The following ATP4A variants were observed in gnomAD, a reference collection of about 807,000 sequenced individuals.
ATP4A encodes potassium-transporting ATPase alpha chain 1.
A neutral mutation model predicts 112.1 loss-of-function variants in ATP4A; 73 were observed. The ratio of observed to expected loss-of-function variants is 0.65; its 90% confidence interval spans 0.54 to 0.79. ATP4A has a LOEUF of 0.79. Ranked by LOEUF, ATP4A falls within the 30% of genes least tolerant of loss-of-function variation. The pLI, the probability that ATP4A is intolerant of heterozygous loss-of-function variation, is 0.00. For missense variants in ATP4A, 1,081 were observed against 1,425.9 expected, an observed-to-expected ratio of 0.76 and a Z score of 3.90; for synonymous variants, 588 against 588.9, an observed-to-expected ratio of 1.00 and a Z score of 0.02.
intron 16 of ATP4A, 76 bp downstream of exon 16, chr19:35,554,846 C>T: frequency 1.3e-6 from 2 of 1,586,110 alleles, no homozygotes; most frequent in African/African-American, 1.3e-5. Flanking sequence ...CTGTGGTGGT[C>T]TCTGTCCCTC....
Position 35,556,900 on chromosome 19 carries a change from C to T in ATP4A, c.1869+13G>A. On this transcript the variant is annotated intron_variant, in intron 12 of 21. Coordinates refer to ENST00000262623, the MANE Select transcript of ATP4A (RefSeq NM_000704.3). ...TGTCCTCACTCCACTTGTTCCTCCC[C>T]ACAGTGGCATACCCGGATGCCTGCG... 6.2e-7 allele frequency: 1 copy of T among 1,610,820 alleles called. No homozygotes were observed.
At position 35,559,218 on chromosome 19, in the gene ATP4A, T is replaced by C; in HGVS notation, c.1057-27A>G. On this transcript the variant is annotated intron_variant, in intron 7 of 21. Coordinates refer to ENST00000262623, the MANE Select transcript of ATP4A (RefSeq NM_000704.3). The surrounding 1 kb of genome is among the most constrained non-coding windows in gnomAD (Gnocchi z 4.1). ...TGGGGAAGGGGTGAGCACCGCAGGC[T>C]GGGGACCCACCCTGGCTTCCAGTCC... 6.2e-7 allele frequency: 1 copy of C among 1,611,556 alleles called. No homozygotes were observed. The highest frequency in any genetic ancestry group is 8.5e-7 in the Non-Finnish European group (1 of 1,179,110).
rs1369354326 is a variant in ATP4A at position 35,555,737 on chromosome 19, T to C, written c.1945A>G (p.Ser649Gly). 10 of 1,613,576 alleles carry C rather than the reference T, an allele frequency of 6.2e-6. No individual in the cohort carries two copies. The highest frequency in any genetic ancestry group is 8.5e-6 in the Non-Finnish European group (10 of 1,179,562). ...AASVGIISEG[S>G]ETVEDIAARL... is the part of the protein sequence containing the mutation. ...GCAGCGATGTCCTCCACTGTCTCGC[T>C]GCCTTCCGAGATGATGCCCACACTG... The change falls in exon 13 of 22, where the codon AGC (serine) becomes GGC (glycine). Residue 649 changes from serine to glycine, a missense_variant. Transcript: ENST00000262623. This position sits in a 1 kb window ranked among gnomAD's most constrained non-coding sequence, Gnocchi z 6.6.
At chr19:35,552,505 A>G (rs1477203863) in intron 18 of ATP4A, among the ~76,000 whole-genome samples, 1 of 152,226 alleles carries the variant, frequency 6.6e-6, no homozygotes, top group Non-Finnish European at 1.5e-5. Context: ...GTGAGAAAAC[A>G]GGCACAGAGA....
At chr19:35,553,238 C>G in intron 17 of ATP4A, 56 bp from the exon 18 acceptor site, 3 of 1,548,116 alleles carry the variant, frequency 1.9e-6, no homozygotes, top group East Asian at 4.6e-5. Flanking sequence ...GACAGGGACA[C>G]AGGAAGAGAG....
Position 35,550,438 on chromosome 19 carries a change from G to A in ATP4A, c.*177C>T. The A allele has an allele frequency of 1.3e-6, 1 of 777,620 alleles. No individual in the cohort carries two copies. The highest frequency in any genetic ancestry group is 2.0e-6 in the Non-Finnish European group (1 of 488,400). 48.2% of individuals were successfully genotyped at this position (777,620 alleles called of 1,614,324 possible). On this transcript the variant is annotated 3_prime_UTR_variant, in exon 22 of 22. Coordinates refer to ENST00000262623, the MANE Select transcript of ATP4A (RefSeq NM_000704.3). The surrounding 1 kb of genome is among the most constrained non-coding windows in gnomAD (Gnocchi z 4.1). Reference sequence around the variant, plus strand: ...CCAGGAGGTGCGAACCTTGGGAATGGGGGAGGGGAGTGGGCAGGTCCCTCC... The same window carrying A: ...CCAGGAGGTGCGAACCTTGGGAATGAGGGAGGGGAGTGGGCAGGTCCCTCC...
At chr19:35,562,353 C>T in intron 4 of ATP4A, 82 bp downstream of exon 4, 1 of 1,486,302 alleles carries the variant, frequency 6.7e-7, no homozygotes, top group Non-Finnish European at 9.2e-7. Context: ...CCTTCTCTGC[C>T]CCTCTTGTCC....
At position 35,550,649 on chromosome 19, in the gene ATP4A, A is replaced by G. The variant is rs202135610; in HGVS notation, c.3080-6T>C. On this transcript the variant is annotated splice_polypyrimidine_tract_variant and splice_region_variant and intron_variant, in intron 21 of 21. Transcript: ENST00000262623. The surrounding 1 kb of genome is among the most constrained non-coding windows in gnomAD (Gnocchi z 4.1). Reference sequence around the variant, plus strand: ...GAGTTCCTGGTCCCACCAGCCTGGGAGAGAGAGGGAGAAAGGAGACTCAGT... The same window carrying G: ...GAGTTCCTGGTCCCACCAGCCTGGGGGAGAGAGGGAGAAAGGAGACTCAGT... 7.4e-6 allele frequency: 12 copies of G among 1,613,712 alleles called. No individual in the cohort carries two copies. The Admixed American group carries it at 8.3e-5, about 11-fold the overall frequency.
Position 35,560,399 on chromosome 19 carries a change from G to C in ATP4A, c.751C>G (p.Arg251Gly). The C allele has an allele frequency of 6.2e-7, 1 of 1,613,970 alleles. No homozygotes were observed. Among genetic ancestry groups the C allele is most frequent in the South Asian group, 1.1e-5 (1 of 91,078 alleles). Reference sequence around the variant, plus strand: ...ATGGTGGAGAAGAAGGCGATGTTGCGGGTCTCCAGAGGGCTCTCGTGCGTG... The same window carrying C: ...ATGGTGGAGAAGAAGGCGATGTTGCCGGTCTCCAGAGGGCTCTCGTGCGTG... ...ECTHESPLETRNIAFFSTMCL... is the reference protein window; with the variant it reads ...ECTHESPLETGNIAFFSTMCL... Residue 251 changes from arginine (R) to glycine (G), a missense_variant, in exon 6 of 22, where the codon CGC becomes GGC. Around this residue, in one of 3 missense-constraint regions of ATP4A, gnomAD observed 850 missense variants for 1,068.2 expected, o/e 0.80. Transcript: ENST00000262623. The surrounding 1 kb of genome is among the most constrained non-coding windows in gnomAD (Gnocchi z 5.1).
rs2071594337 is a variant in ATP4A, at chr19:35,550,385, C to T, written c.*230G>A. Reference sequence around the variant, plus strand: ...CAGGTGGCGGCTTTCCCGAGGCCAGCCCAGAGGACTGCCCAGGCGCTGCTG... The same window carrying T: ...CAGGTGGCGGCTTTCCCGAGGCCAGTCCAGAGGACTGCCCAGGCGCTGCTG... On this transcript the variant is annotated 3_prime_UTR_variant, in exon 22 of 22. Transcript: ENST00000262623. The surrounding 1 kb of genome is among the most constrained non-coding windows in gnomAD (Gnocchi z 4.1). 2 of 596,740 alleles carry T rather than the reference C, an allele frequency of 3.4e-6. No individual in the cohort carries two copies. The highest frequency in any genetic ancestry group is 5.9e-6 in the Non-Finnish European group (2 of 341,716). 37.0% of individuals were successfully genotyped at this position (596,740 alleles called of 1,614,324 possible).
chr19:35,561,790 C>T (rs1486139674), intron 4 of ATP4A, among the ~76,000 whole-genome samples: 2 of 151,634 alleles, frequency 1.3e-5, no homozygotes, highest in African/African-American at 2.4e-5. Context: ...TCCTATTCCC[C>T]GTGCCTCAGT....
rs371472559 is a variant in ATP4A at position 35,559,102 on chromosome 19, C to T, written c.1146G>A (p.Ser382=). The change falls in exon 8 of 22, where the codon TCG becomes TCA. Residue 382 remains serine (S), a synonymous_variant. Coordinates refer to ENST00000262623, the MANE Select transcript of ATP4A (RefSeq NM_000704.3). The surrounding 1 kb of genome is among the most constrained non-coding windows in gnomAD (Gnocchi z 4.1). The part of the protein sequence containing the change: ...LEAVETLGST[S]VICSDKTGTL... ...TCCCTGTCTTGTCCGAGCAGATCAC[C>T]GAAGTGGAGCCCAATGTCTCCACCG... 3.7e-6 allele frequency: 6 copies of T among 1,614,196 alleles called. No homozygotes were observed. Among genetic ancestry groups the T allele is most frequent in the South Asian group, 3.3e-5 (3 of 91,078 alleles).
chr19:35,562,761 T>G, intron 3 of ATP4A, 123 bp from the exon 4 acceptor site: 1 of 990,364 alleles, frequency 1.0e-6, no homozygotes. Context: ...TCTCATCTCT[T>G]TGTCTCTTGG....
In ATP4A at chr19:35,550,696, G is replaced by C; in HGVS notation, c.3080-53C>G. 6.2e-7 allele frequency: 1 copy of C among 1,612,482 alleles called. No individual in the cohort carries two copies. Among genetic ancestry groups the C allele is most frequent in the Admixed American group, 1.7e-5 (1 of 60,020 alleles). Reference sequence around the variant, plus strand: ...CAGTGCTGGGGGTGCCACTTAGGCAGGGCCAGGGGCTCAGAGGTCAGTGCT... The same window carrying C: ...CAGTGCTGGGGGTGCCACTTAGGCACGGCCAGGGGCTCAGAGGTCAGTGCT... On this transcript the variant is annotated intron_variant, in intron 21 of 21. Coordinates refer to ENST00000262623, the MANE Select transcript of ATP4A (RefSeq NM_000704.3). The surrounding 1 kb of genome is among the most constrained non-coding windows in gnomAD (Gnocchi z 4.1).
In ATP4A at chr19:35,554,133, C is replaced by A. The variant is rs138226812; in HGVS notation, c.2482-304G>T. On this transcript the variant is annotated intron_variant, in intron 16 of 21. Transcript: ENST00000262623. Reference sequence around the variant, plus strand: ...CTGTCTCCAGTGTAATTCTCTGTGACTGTATCTGCTCTTGTGTATTTCTGT... The same window carrying A: ...CTGTCTCCAGTGTAATTCTCTGTGAATGTATCTGCTCTTGTGTATTTCTGT... Among the ~76,000 whole-genome samples, 543 of 152,288 alleles carry A rather than the reference C, an allele frequency of 3.6e-3. 2 individuals carry two copies. Among genetic ancestry groups the A allele is most frequent in the African/African-American group, 0.012 (515 of 41,546 alleles).
intron 3 of ATP4A, 46 bp from the exon 4 acceptor site, chr19:35,562,684 A>C: frequency 6.6e-7 from 1 of 1,524,270 alleles, no homozygotes; most frequent in Non-Finnish European, 8.8e-7. Flanking sequence ...GCTTTCCTCC[A>C]CATGCACACC....
chr19:35,563,347 A>C (rs770227132), intron 2 of ATP4A, 37 bp downstream of exon 2: 3 of 1,604,130 alleles, frequency 1.9e-6, no homozygotes, highest in South Asian at 2.2e-5. Context: ...TTCCCAGCCT[A>C]CCCTCCAGCT....
chr19:35,559,196 G>A lies in ATP4A; in HGVS notation c.1057-5C>T. 6.2e-7 allele frequency: 1 copy of A among 1,613,664 alleles called. No individual in the cohort carries two copies. Among genetic ancestry groups the A allele is most frequent in the Non-Finnish European group, 8.5e-7 (1 of 1,179,942 alleles). On this transcript the variant is annotated splice_polypyrimidine_tract_variant and splice_region_variant and intron_variant, in intron 7 of 21. Coordinates refer to ENST00000262623, the MANE Select transcript of ATP4A (RefSeq NM_000704.3). The surrounding 1 kb of genome is among the most constrained non-coding windows in gnomAD (Gnocchi z 4.1). ...GGCTGTCAGGGACAGGCAGACCTGG[G>A]GAAGGGGTGAGCACCGCAGGCTGGG...
chr19:35,560,650 G>A lies in ATP4A; in HGVS notation c.535-35C>T. On this transcript the variant is annotated intron_variant, in intron 5 of 21. Coordinates refer to ENST00000262623, the MANE Select transcript of ATP4A (RefSeq NM_000704.3). This position sits in a 1 kb window ranked among gnomAD's most constrained non-coding sequence, Gnocchi z 5.1. ...AGGGGCACCAAAGTTGAGGTGGACG[G>A]GGGTGGGGGTGGGAGCTGCTGCATG... 2 of 1,564,118 alleles carry A rather than the reference G, an allele frequency of 1.3e-6. No homozygotes were observed. The highest frequency in any genetic ancestry group is 1.3e-5 in the African/African-American group (1 of 74,164).
Sources: gnomAD v4.1 joint callset for allele counts (sites outside exome capture counted in the v4.1 genomes callset) on GRCh38, gnomAD v4.1.1 for gene constraint, gnomAD v4.1.1 regional missense constraint, Gnocchi (gnomAD v3.1) non-coding constraint, MANE v1.5 for transcripts, NCBI Gene and HGNC (gene_info 2026-07-23, HGNC 2026-07-21) for gene names.